The following CDH13 variants were observed in gnomAD, a reference collection of about 807,000 sequenced individuals.
The protein encoded by CDH13 is cadherin 13, also known as cadherin-13.
Under a neutral mutation model 63.8 loss-of-function variants are expected in CDH13, and 24 were observed. The observed-to-expected ratio is 0.38, with a 90% CI of 0.27 to 0.53. The LOEUF is 0.53. Among genes scored for constraint, CDH13 ranks in the 20% least tolerant of loss-of-function variants. The pLI, the probability that CDH13 is intolerant of heterozygous loss-of-function variation, is 0.85. For synonymous variants in CDH13, 503 were observed against 355.3 expected, an observed-to-expected ratio of 1.42 and a Z score of -4.67; for missense variants, 1,049 against 903.1, an observed-to-expected ratio of 1.16 and a Z score of -2.07.
chr16:82,973,902 C>T (rs1206051409), intron 2 of CDH13, among the ~76,000 whole-genome samples: 1 of 151,682 alleles, frequency 6.6e-6, no homozygotes, highest in Non-Finnish European at 1.5e-5. Flanking sequence ...TTATTTTTTG[C>T]TTTCCCTCTC....
At chr16:82,753,509 T>C (rs77597593) in intron 1 of CDH13, among the ~76,000 whole-genome samples, 1,657 of 152,282 alleles carry the variant, frequency 0.011, 29 homozygotes, top group African/African-American at 0.038. Context: ...TGTATTTACG[T>C]ACTTCCTAGA....
chr16:83,344,717 A>G (rs2090800330), intron 5 of CDH13, 145 bp from the exon 6 acceptor site: 2 of 710,784 alleles, frequency 2.8e-6, no homozygotes, highest in Non-Finnish European at 2.3e-6. Context: ...TTCTAGTCCC[A>G]GTGACTATCC....
chr16:83,738,683 G>A (rs1256808730), intron 10 of CDH13, among the ~76,000 whole-genome samples: 1 of 152,138 alleles, frequency 6.6e-6, no homozygotes, highest in Non-Finnish European at 1.5e-5. Flanking sequence ...CAAGGCAGGT[G>A]GATCACAAGG....
At chr16:82,639,363 CA>C in intron 1 of CDH13, 1 of 1,534,926 alleles carries the variant, frequency 6.5e-7, no homozygotes, top group Non-Finnish European at 8.7e-7. Context: ...TGACCAGGGC[CA>C]AACAACCCAC....
intron 8 of CDH13, among the ~76,000 whole-genome samples, chr16:83,659,432 A>C (rs1029946805): frequency 6.6e-6 from 1 of 152,272 alleles, no homozygotes; most frequent in Non-Finnish European, 1.5e-5. Context: ...CAAGGTCCCA[A>C]CACAAGTTAG....
rs143882146 is a variant in CDH13 at position 82,661,819 on chromosome 16, A to G, written c.45+34682A>G. On this transcript the variant is annotated intron_variant, in intron 1 of 13. Transcript: ENST00000567109. Reference sequence around the variant, plus strand: ...ACACAGATGTGTGTCACATCAGACTATGTAATGGACACAATTTAGGAACAA... The same window carrying G: ...ACACAGATGTGTGTCACATCAGACTGTGTAATGGACACAATTTAGGAACAA... Among the ~76,000 whole-genome samples, 9 of 152,382 alleles carry G rather than the reference A, an allele frequency of 5.9e-5. No individual in the cohort carries two copies. In the East Asian group the frequency reaches 1.7e-3, roughly 29 times the overall value.
chr16:83,422,792 C>T (rs2071756186), intron 6 of CDH13, among the ~76,000 whole-genome samples: 1 of 152,108 alleles, frequency 6.6e-6, no homozygotes, highest in South Asian at 2.1e-4. Context: ...CAGTACTTTC[C>T]TCATGAGCCT....
chr16:82,941,214 G>T, intron 2 of CDH13, among the ~76,000 whole-genome samples: 1 of 152,118 alleles, frequency 6.6e-6, no homozygotes, highest in Non-Finnish European at 1.5e-5. Context: ...ATATTTTGGG[G>T]CTCCTATACA....
intron 11 of CDH13, among the ~76,000 whole-genome samples, chr16:83,774,670 G>A (rs752162980): frequency 5.3e-5 from 8 of 152,038 alleles, no homozygotes; most frequent in South Asian, 4.1e-4. Flanking sequence ...CACCACACCC[G>A]GCCTACCATT....
At chr16:83,451,625 C>G (rs934893692) in intron 6 of CDH13, among the ~76,000 whole-genome samples, 2 of 152,206 alleles carry the variant, frequency 1.3e-5, no homozygotes, top group Non-Finnish European at 2.9e-5. Context: ...TCAAGAGATT[C>G]TCCCACCTCA....
intron 7 of CDH13, among the ~76,000 whole-genome samples, chr16:83,568,817 C>T (rs886095887): frequency 2.6e-5 from 4 of 152,158 alleles, no homozygotes; most frequent in Non-Finnish European, 5.9e-5. Flanking sequence ...TCTCCCAAAG[C>T]CACTCACTTG....
At chr16:82,785,339 C>G (rs1487143383) in intron 1 of CDH13, among the ~76,000 whole-genome samples, 1 of 152,126 alleles carries the variant, frequency 6.6e-6, no homozygotes, top group Non-Finnish European at 1.5e-5. Context: ...TATCCTTTTC[C>G]TCTGCAGTTT....
intron 5 of CDH13, among the ~76,000 whole-genome samples, chr16:83,248,785 T>A (rs770460549): frequency 1.3e-5 from 2 of 152,144 alleles, no homozygotes; most frequent in Non-Finnish European, 2.9e-5. Flanking sequence ...ACCCGTAGCT[T>A]CACCCATCAC....
chr16:83,141,797 G>A (rs933754264), intron 4 of CDH13, among the ~76,000 whole-genome samples: 2 of 152,178 alleles, frequency 1.3e-5, no homozygotes, highest in Non-Finnish European at 2.9e-5. Flanking sequence ...TTAGTTTGCT[G>A]AGAATGATGG....
intron 1 of CDH13, among the ~76,000 whole-genome samples, chr16:82,658,731 C>T (rs1163035508): frequency 6.6e-6 from 1 of 152,204 alleles, no homozygotes; most frequent in East Asian, 1.9e-4. Context: ...TTTGCCGTGA[C>T]CTCTCTTCAT....
At chr16:83,371,678 G>T (rs1397110624) in intron 6 of CDH13, among the ~76,000 whole-genome samples, 2 of 152,146 alleles carry the variant, frequency 1.3e-5, no homozygotes, top group Non-Finnish European at 2.9e-5. Context: ...TAGATTAATA[G>T]TGGTACTGTC....
At chr16:83,462,235 T>C (rs2073200247) in intron 6 of CDH13, among the ~76,000 whole-genome samples, 1 of 152,218 alleles carries the variant, frequency 6.6e-6, no homozygotes, top group African/African-American at 2.4e-5. Flanking sequence ...CTCTGCTGCC[T>C]TAGCCCCTGG....
chr16:83,534,458 C>G (rs1043309367), intron 7 of CDH13, among the ~76,000 whole-genome samples: 11 of 152,222 alleles, frequency 7.2e-5, no homozygotes, highest in African/African-American at 2.7e-4. Flanking sequence ...GCTGTTGAAT[C>G]TGACATCAAA....
chr16:82,627,696 A>G (rs1018107847), intron 1 of CDH13, among the ~76,000 whole-genome samples: 2 of 152,034 alleles, frequency 1.3e-5, no homozygotes, highest in Admixed American at 6.5e-5. Flanking sequence ...GGGGCAGCAG[A>G]GAGCCTCAGC....
Sources: gnomAD v4.1 joint callset for allele counts (sites outside exome capture counted in the v4.1 genomes callset) on GRCh38, gnomAD v4.1.1 for gene constraint, MANE v1.5 for transcripts, NCBI Gene and HGNC (gene_info 2026-07-23, HGNC 2026-07-21) for gene names.